Variants in WWC2 observed in about 807,000 individuals in gnomAD.
WWC2 encodes the protein protein WWC2.
A neutral mutation model predicts 138.5 loss-of-function variants in WWC2; 101 were observed. The observed-to-expected ratio is 0.73, with a 90% CI of 0.62 to 0.86. WWC2 has a LOEUF of 0.86. WWC2 is among the 40% of genes least tolerant of loss of function. WWC2 has a pLI of 0.00. For synonymous variants in WWC2, 558 were observed against 538.4 expected, an observed-to-expected ratio of 1.04 and a Z score of -0.50; for missense variants, 1,420 against 1,419.4, an observed-to-expected ratio of 1.00 and a Z score of -0.01.
chr4:183,179,859 C>T (rs1580018517), intron 1 of WWC2, among the ~76,000 whole-genome samples: 1 of 152,106 alleles, frequency 6.6e-6, no homozygotes, highest in East Asian at 1.9e-4. Flanking sequence ...CACTGTGTAC[C>T]ATGTATGTGT....
intron 5 of WWC2, among the ~76,000 whole-genome samples, chr4:183,241,277 C>T (rs1434953582): frequency 6.6e-6 from 1 of 152,192 alleles, no homozygotes; most frequent in Non-Finnish European, 1.5e-5. Context: ...TGTTCCTTTT[C>T]CCTGTGGAAT....
intron 4 of WWC2, among the ~76,000 whole-genome samples, chr4:183,210,685 C>G (rs1735572080): frequency 6.6e-6 from 1 of 152,170 alleles, no homozygotes; most frequent in African/African-American, 2.4e-5. Context: ...TAATGCAAGC[C>G]CGTATCATAG....
At position 183,319,387 on chromosome 4, in the gene WWC2, A is replaced by G. The variant is rs1579085845; in HGVS notation, c.*3658A>G. 1 of 732,364 alleles carries G rather than the reference A, an allele frequency of 1.4e-6. No homozygotes were observed. The highest frequency in any genetic ancestry group is 2.5e-5 in the East Asian group (1 of 39,592). The allele number at this position is 732,364 out of a possible 1,614,324, so 45.4% of individuals were successfully genotyped here. On this transcript the variant is annotated 3_prime_UTR_variant, in exon 23 of 23. Coordinates refer to ENST00000403733, the MANE Select transcript of WWC2 (RefSeq NM_024949.6). ...TTGATTGATTTTGGTCTCAGACTAG[A>G]AGATAAAAATGGTTTACCAGTCTTG...
chr4:183,104,437 T>A (rs1240557071), intron 1 of WWC2, among the ~76,000 whole-genome samples: 2 of 152,226 alleles, frequency 1.3e-5, no homozygotes, highest in Non-Finnish European at 2.9e-5. Context: ...CAGTTATATT[T>A]AAAATAATAA....
intron 1 of WWC2, among the ~76,000 whole-genome samples, chr4:183,104,619 A>T (rs1372965825): frequency 1.3e-5 from 2 of 152,150 alleles, no homozygotes; most frequent in Admixed American, 6.5e-5. Context: ...GGTTACTGTG[A>T]ATTATTTGAG....
intron 20 of WWC2, among the ~76,000 whole-genome samples, chr4:183,287,302 T>A (rs1738291405): frequency 1.3e-5 from 2 of 152,238 alleles, no homozygotes; most frequent in Admixed American, 1.3e-4. Context: ...TTCTGAAATG[T>A]TGATTTTTCA....
chr4:183,117,073 C>T (rs903901502), intron 1 of WWC2, among the ~76,000 whole-genome samples: 1 of 152,062 alleles, frequency 6.6e-6, no homozygotes, highest in African/African-American at 2.4e-5. Flanking sequence ...TTCTGTGGAA[C>T]CATCTCCTTT....
intron 16 of WWC2, among the ~76,000 whole-genome samples, chr4:183,275,726 T>C (rs1284631051): frequency 6.6e-6 from 1 of 152,162 alleles, no homozygotes; most frequent in Non-Finnish European, 1.5e-5. Context: ...GATTTTCGTG[T>C]CTGTATTCAT....
chr4:183,152,322 G>T (rs1322714508), intron 1 of WWC2, among the ~76,000 whole-genome samples: 1 of 151,658 alleles, frequency 6.6e-6, no homozygotes, highest in Non-Finnish European at 1.5e-5. Context: ...AACATAGTGA[G>T]ACCCTGTCTC....
At chr4:183,109,732 C>G (rs532378148) in intron 1 of WWC2, among the ~76,000 whole-genome samples, 1 of 152,186 alleles carries the variant, frequency 6.6e-6, no homozygotes, top group African/African-American at 2.4e-5. Context: ...CAGTCTGTGG[C>G]TAGGGGTTGG....
chr4:183,249,981 A>C lies in WWC2; in HGVS notation c.941A>C (p.Glu314Ala). Reference protein sequence around the residue: ...EKVRLSLQYEEAKRSMANLKI... With the variant: ...EKVRLSLQYEAAKRSMANLKI... ...GTCAGGCTAAGCCTACAGTATGAAG[A>C]AGCCAAAAGAAGGTAATGACAGAGA... is the stretch of plus-strand genomic sequence containing the variant. The change falls in exon 8 of 23, where the codon GAA (glutamate) becomes GCA (alanine). Residue 314 changes from glutamate (E) to alanine (A), a missense_variant. Physicochemically the swap from Glu to Ala is moderately radical, Grantham distance 107. Transcript: ENST00000403733. The C allele has an allele frequency of 1.2e-6, 2 of 1,613,716 alleles. No individual in the cohort carries two copies. The highest frequency in any genetic ancestry group is 1.7e-6 in the Non-Finnish European group (2 of 1,179,718).
At chr4:183,177,642 T>C (rs1406537173) in intron 1 of WWC2, among the ~76,000 whole-genome samples, 1 of 152,148 alleles carries the variant, frequency 6.6e-6, no homozygotes, top group Non-Finnish European at 1.5e-5. Context: ...AAGTTTAAAA[T>C]GCCTTAGATG....
intron 1 of WWC2, among the ~76,000 whole-genome samples, chr4:183,134,323 T>G (rs966734837): frequency 4.9e-5 from 7 of 141,540 alleles, no homozygotes; most frequent in Admixed American, 4.9e-4. Flanking sequence ...ATTTTACTAT[T>G]TTTTTTTTTT....
intron 9 of WWC2, among the ~76,000 whole-genome samples, chr4:183,259,074 A>G (rs371921536): frequency 3.3e-5 from 5 of 152,320 alleles, no homozygotes; most frequent in Admixed American, 6.5e-5. Context: ...CTTTTAGGTC[A>G]TCCTCTTCCC....
intron 22 of WWC2, among the ~76,000 whole-genome samples, chr4:183,314,090 G>A (rs1054216333): frequency 6.6e-6 from 1 of 152,070 alleles, no homozygotes; most frequent in Non-Finnish European, 1.5e-5. Context: ...AAGCGGGAGG[G>A]CAGGGCCACG....
rs766503307 is a variant in WWC2 at position 183,261,323 on chromosome 4, C to T, written c.1700C>T (p.Thr567Met). 6.8e-6 allele frequency: 11 copies of T among 1,613,394 alleles called. No homozygotes were observed. Among genetic ancestry groups the T allele is most frequent in the Admixed American group, 5.0e-5 (3 of 59,942 alleles). ...PPGSPLVLEG[T>M]FPMSSSHDAS... ...GGCTCTCCCTTGGTTTTGGAAGGCA[C>T]GTTTCCCATGTCTTCTTCTCATGAT... is the stretch of plus-strand genomic sequence containing the variant. The change falls in exon 11 of 23, where the codon ACG (threonine) becomes ATG (methionine). Residue 567 changes from threonine to methionine, a missense_variant. Coordinates refer to ENST00000403733, the MANE Select transcript of WWC2 (RefSeq NM_024949.6).
In WWC2 at chr4:183,245,429, A is replaced by T; in HGVS notation, c.616A>T (p.Met206Leu). ...FETLQQIDKK[M>L]SGGQSGYELS... ...CTCTTTTCACAGAATTGATAAAAAA[A>T]TGTCTGGAGGCCAGAGCGGGTATGA... Residue 206 changes from methionine (M) to leucine (L), a missense_variant, in exon 6 of 23, where the codon ATG (methionine) becomes TTG (leucine). Coordinates refer to ENST00000403733, the MANE Select transcript of WWC2 (RefSeq NM_024949.6). 1 of 1,557,974 alleles carries T rather than the reference A, an allele frequency of 6.4e-7. No homozygotes were observed.
intron 1 of WWC2, among the ~76,000 whole-genome samples, chr4:183,106,878 A>G (rs1003336607): frequency 6.6e-6 from 1 of 152,198 alleles, no homozygotes; most frequent in African/African-American, 2.4e-5. Flanking sequence ...TGATGCTGCT[A>G]TGAATATCCC....
chr4:183,152,588 G>T (rs910033956), intron 1 of WWC2, among the ~76,000 whole-genome samples: 1 of 150,574 alleles, frequency 6.6e-6, no homozygotes, highest in Non-Finnish European at 1.5e-5. Flanking sequence ...TTTTGTTTTC[G>T]AGAGTTGGGG....
Sources: gnomAD v4.1 joint callset for allele counts (sites outside exome capture counted in the v4.1 genomes callset) on GRCh38, gnomAD v4.1.1 for gene constraint, MANE v1.5 for transcripts, NCBI Gene and HGNC (gene_info 2026-07-23, HGNC 2026-07-21) for gene names.